Variants in FSTL5 observed in about 807,000 individuals in gnomAD.
FSTL5 encodes follistatin-related protein 5.
In FSTL5, 62 loss-of-function variants were observed where a neutral mutation model predicts 89.1. The ratio of observed to expected loss-of-function variants is 0.70; its 90% CI spans 0.57 to 0.86. The LOEUF is 0.86. Ranked by LOEUF, FSTL5 falls within the 40% of genes least tolerant of loss-of-function variation. The pLI is 0.00. For missense variants in FSTL5, 1,057 were observed against 1,001.6 expected, an observed-to-expected ratio of 1.06 and a Z score of -0.75; for synonymous variants, 383 against 346.2, an observed-to-expected ratio of 1.11 and a Z score of -1.18.
At chr4:161,393,909 C>T (rs1730910727) in intron 15 of FSTL5, among the ~76,000 whole-genome samples, 1 of 152,122 alleles carries the variant, frequency 6.6e-6, no homozygotes, top group African/African-American at 2.4e-5. Context: ...ATTTTCCAAA[C>T]CAACAAGAAA....
chr4:161,745,128 G>A (rs6853066), intron 6 of FSTL5, among the ~76,000 whole-genome samples: 81,305 of 151,796 alleles, frequency 0.54, 26,088 homozygotes, highest in Non-Finnish European at 0.71. Context: ...TGGCTTTGGG[G>A]AAACAATCTT....
chr4:162,077,089 T>C (rs749058015), intron 2 of FSTL5, among the ~76,000 whole-genome samples: 2 of 151,862 alleles, frequency 1.3e-5, no homozygotes, highest in Non-Finnish European at 2.9e-5. Context: ...AGGTAATTTA[T>C]AACAAAATAT....
intron 4 of FSTL5, among the ~76,000 whole-genome samples, chr4:161,814,885 T>C (rs1005908249): frequency 1.3e-5 from 2 of 152,072 alleles, no homozygotes; most frequent in Non-Finnish European, 2.9e-5. Context: ...AAAGAAGATA[T>C]AGTCCTGATT....
chr4:161,822,478 G>T (rs1249952873), intron 4 of FSTL5, among the ~76,000 whole-genome samples: 3 of 152,232 alleles, frequency 2.0e-5, no homozygotes, highest in Non-Finnish European at 4.4e-5. Flanking sequence ...CACTGGTGCA[G>T]GCACTGGCTA....
chr4:161,932,650 T>C (rs569900593), intron 3 of FSTL5, among the ~76,000 whole-genome samples: 19 of 152,024 alleles, frequency 1.2e-4, no homozygotes, highest in African/African-American at 4.6e-4. Context: ...CTCTATAACT[T>C]TTGTTTTTGA....
intron 4 of FSTL5, among the ~76,000 whole-genome samples, chr4:161,877,148 C>G (rs1732470669): frequency 6.8e-6 from 1 of 146,262 alleles, no homozygotes; most frequent in Non-Finnish European, 1.5e-5. Flanking sequence ...CGCGCCCTTG[C>G]ACTCCAGCCT....
chr4:162,140,404 GTTTTAT>G (rs1732682372), intron 1 of FSTL5, among the ~76,000 whole-genome samples: 1 of 140,034 alleles, frequency 7.1e-6, no homozygotes, highest in Non-Finnish European at 1.6e-5. Context: ...GGAAACTTTG[GTTTTAT>G]TTTTAACTAT....
At chr4:161,920,255 C>T in intron 4 of FSTL5, 149 bp downstream of exon 4, 1 of 699,162 alleles carries the variant, frequency 1.4e-6, no homozygotes, top group Non-Finnish European at 2.3e-6. Context: ...AATTTCCACA[C>T]ACTGCTACTT....
At chr4:161,567,937 T>G (rs1732873896) in intron 8 of FSTL5, among the ~76,000 whole-genome samples, 1 of 151,982 alleles carries the variant, frequency 6.6e-6, no homozygotes, top group African/African-American at 2.4e-5. Flanking sequence ...ATCATTGGCT[T>G]GGTGTGTTTT....
chr4:161,872,931 GA>G (rs1366448959), intron 4 of FSTL5, among the ~76,000 whole-genome samples: 2 of 152,042 alleles, frequency 1.3e-5, no homozygotes, highest in African/African-American at 4.8e-5. Context: ...ATTGGAATGA[GA>G]GGGGAAAAAA....
intron 2 of FSTL5, among the ~76,000 whole-genome samples, chr4:162,058,478 G>C (rs1738624493): frequency 7.2e-6 from 1 of 139,656 alleles, no homozygotes; most frequent in South Asian, 2.3e-4. Flanking sequence ...CCAGGCTAGA[G>C]TGCAGAGGCA....
At chr4:161,903,099 A>C (rs1455276555) in intron 4 of FSTL5, among the ~76,000 whole-genome samples, 1 of 152,130 alleles carries the variant, frequency 6.6e-6, no homozygotes, top group African/African-American at 2.4e-5. Flanking sequence ...TTATCCCTTT[A>C]ATAGGTGCTA....
intron 8 of FSTL5, among the ~76,000 whole-genome samples, chr4:161,557,065 A>G (rs1043745565): frequency 2.6e-5 from 4 of 151,452 alleles, no homozygotes; most frequent in African/African-American, 7.2e-5. Flanking sequence ...CTACAAAATT[A>G]ATTTGATAAA....
rs992996827 is a variant in FSTL5 at position 162,086,547 on chromosome 4, G to T, written c.126+24724C>A. The stretch of plus-strand genomic sequence containing the variant: ...AATCATCAAAGCTTACATCTCTGTG[G>T]GATGCATTGGAAAATTGATGCCATC... On this transcript the variant is annotated intron_variant, in intron 2 of 15. Coordinates refer to ENST00000306100, the MANE Select transcript of FSTL5 (RefSeq NM_020116.5). Among the ~76,000 whole-genome samples the T allele has an allele frequency of 4.0e-5, 6 of 150,894 alleles. No homozygotes were observed. In the Admixed American group the frequency reaches 4.0e-4, roughly 10 times the overall value.
intron 6 of FSTL5, among the ~76,000 whole-genome samples, chr4:161,698,481 T>C (rs1486308697): frequency 6.6e-6 from 1 of 152,180 alleles, no homozygotes; most frequent in Non-Finnish European, 1.5e-5. Flanking sequence ...GATGAGGTAT[T>C]GTATTCTTGA....
chr4:161,946,392 T>C (rs146211690), intron 3 of FSTL5, among the ~76,000 whole-genome samples: 26 of 152,342 alleles, frequency 1.7e-4, no homozygotes, highest in African/African-American at 5.0e-4. Flanking sequence ...TCATCTATAA[T>C]GTATAATTAT....
chr4:161,787,899 CT>C (rs1741960229), intron 4 of FSTL5, among the ~76,000 whole-genome samples: 1 of 151,992 alleles, frequency 6.6e-6, no homozygotes, highest in African/African-American at 2.4e-5. Context: ...ATTAATTTGC[CT>C]TTTCTCAAGT....
intron 3 of FSTL5, among the ~76,000 whole-genome samples, chr4:161,934,215 C>T (rs1734369496): frequency 6.6e-6 from 1 of 152,080 alleles, no homozygotes; most frequent in South Asian, 2.1e-4. Flanking sequence ...TCACATTATT[C>T]TGCCTGTACT....
intron 10 of FSTL5, among the ~76,000 whole-genome samples, chr4:161,521,100 G>T (rs1731004502): frequency 6.6e-6 from 1 of 152,136 alleles, no homozygotes; most frequent in Non-Finnish European, 1.5e-5. Flanking sequence ...TGCTTAAAAT[G>T]ACATAATAAG....
Sources: allele counts gnomAD v4.1 joint callset (sites outside exome capture counted in the v4.1 genomes callset), GRCh38; gene constraint gnomAD v4.1.1; transcripts MANE v1.5; gene names NCBI Gene and HGNC (gene_info 2026-07-23, HGNC 2026-07-21).